LMCD1: variants seen among roughly 807,000 people sequenced by gnomAD.
LMCD1 encodes LIM and cysteine rich domains 1, also known as LIM and cysteine-rich domains protein 1.
LMCD1 carries 32 observed loss-of-function variants against 42.7 expected under a neutral mutation model. The observed-to-expected ratio is 0.75, with a 90% CI of 0.57 to 1.01. The LOEUF is 1.01. LMCD1 is among the 50% of genes least tolerant of loss of function. The pLI is 0.00. For synonymous variants in LMCD1, 178 were observed against 184.9 expected, an observed-to-expected ratio of 0.96 and a Z score of 0.30; for missense variants, 458 against 483.1, an observed-to-expected ratio of 0.95 and a Z score of 0.49.
At chr3:8,557,678 C>T (rs1694950209) in intron 4 of LMCD1, among the ~76,000 whole-genome samples, 1 of 152,190 alleles carries the variant, frequency 6.6e-6, no homozygotes, top group Admixed American at 6.5e-5. Context: ...CTTGGTTACT[C>T]CTATTTCAGA....
At chr3:8,527,711 C>G (rs56886252) in intron 1 of LMCD1, among the ~76,000 whole-genome samples, 1 of 152,144 alleles carries the variant, frequency 6.6e-6, no homozygotes, top group African/African-American at 2.4e-5. Flanking sequence ...CAATTTGGAA[C>G]GCACCACCTC....
chr3:8,556,265 T>G (rs1694931771), intron 4 of LMCD1, among the ~76,000 whole-genome samples: 1 of 152,166 alleles, frequency 6.6e-6, no homozygotes, highest in Non-Finnish European at 1.5e-5. Flanking sequence ...TTAAACAGTG[T>G]TTTCAAACTT....
intron 3 of LMCD1, among the ~76,000 whole-genome samples, chr3:8,539,224 G>A (rs914390919): frequency 6.6e-6 from 1 of 152,110 alleles, no homozygotes; most frequent in Non-Finnish European, 1.5e-5. Flanking sequence ...CCTTAGGGGG[G>A]AAAATCCCTT....
intron 1 of LMCD1, among the ~76,000 whole-genome samples, chr3:8,528,425 G>A (rs577112854): frequency 6.6e-6 from 1 of 152,136 alleles, no homozygotes; most frequent in African/African-American, 2.4e-5. Context: ...TGAGCTCCTG[G>A]CCTCAAGCAA....
chr3:8,553,745 G>A (rs1694880094), intron 4 of LMCD1, among the ~76,000 whole-genome samples: 1 of 152,176 alleles, frequency 6.6e-6, no homozygotes. Context: ...GTTAGGAGAG[G>A]CAGGATATCA....
At chr3:8,527,626 A>G (rs941662714) in intron 1 of LMCD1, among the ~76,000 whole-genome samples, 5 of 152,230 alleles carry the variant, frequency 3.3e-5, no homozygotes, top group Admixed American at 6.5e-5. Flanking sequence ...ATGTTGACCA[A>G]TAATCTTTAA....
intron 4 of LMCD1, among the ~76,000 whole-genome samples, chr3:8,560,896 G>T (rs1398003711): frequency 1.3e-5 from 2 of 152,180 alleles, no homozygotes; most frequent in South Asian, 2.1e-4. Flanking sequence ...TCAGGATCCA[G>T]TTCAAGATAT....
chr3:8,566,086 A>G (rs769598779), intron 5 of LMCD1, among the ~76,000 whole-genome samples: 13 of 152,234 alleles, frequency 8.5e-5, no homozygotes, highest in Non-Finnish European at 1.6e-4. Context: ...AGGATAGATG[A>G]GATAATGCAT....
chr3:8,572,626 A>G lies in LMCD1; in HGVS notation c.*5028A>G, dbSNP rs771308309. 2.0e-5 allele frequency: 3 copies of G among 152,330 alleles called. No homozygotes were observed. The highest frequency in any genetic ancestry group is 1.3e-4 in the Admixed American group (2 of 15,304). 9.4% of individuals were successfully genotyped at this position (152,330 alleles called of 1,614,324 possible). On this transcript the variant is annotated 3_prime_UTR_variant, in exon 6 of 6. Transcript: ENST00000157600. ...ATCTTCTCCCCATTTATTAATTCAC[A>G]TATTTACATCAGCTTGGAGTTATTG...
chr3:8,548,220 T>C (rs9312025), intron 3 of LMCD1, among the ~76,000 whole-genome samples: 75,027 of 151,972 alleles, frequency 0.49, 19,226 homozygotes, highest in Non-Finnish European at 0.54. Flanking sequence ...TACAGCTTGA[T>C]GAGCTTTGAC....
chr3:8,551,276 G>C (rs1047338306), intron 4 of LMCD1: 99 of 985,440 alleles, frequency 1.0e-4, no homozygotes, highest in Non-Finnish European at 1.2e-4. Flanking sequence ...ACCCATGAAT[G>C]AAAGTTTGAA....
intron 1 of LMCD1, among the ~76,000 whole-genome samples, chr3:8,519,925 A>AGTGTGTGTGTGTGT (rs369271623): frequency 6.8e-6 from 1 of 147,832 alleles, no homozygotes; most frequent in Non-Finnish European, 1.5e-5. Flanking sequence ...TGTGAGAGAG[A>AGTGTGTGTGTGTGT]GTGTGTGTGT....
At chr3:8,511,016 G>A (rs1243505286) in intron 1 of LMCD1, among the ~76,000 whole-genome samples, 3 of 152,264 alleles carry the variant, frequency 2.0e-5, no homozygotes, top group African/African-American at 7.2e-5. Context: ...GAGGTCTGAG[G>A]CTCTTGGAGT....
chr3:8,553,695 C>T (rs1235667606), intron 4 of LMCD1, among the ~76,000 whole-genome samples: 1 of 152,202 alleles, frequency 6.6e-6, no homozygotes. Context: ...TCCATGCCTA[C>T]CTCAGGGCAG....
At chr3:8,543,428 TAGATAGATAGATAGACAGAC>T (rs1694671694) in intron 3 of LMCD1, among the ~76,000 whole-genome samples, 21 of 124,076 alleles carry the variant, frequency 1.7e-4, no homozygotes, top group African/African-American at 5.5e-4. Flanking sequence ...GATAGATAGA[TAGATAGATAGATAGACAGAC>T]AGACAGAGAG....
chr3:8,516,829 T>C (rs4143966), intron 1 of LMCD1, among the ~76,000 whole-genome samples: 57,620 of 152,130 alleles, frequency 0.38, 12,025 homozygotes, highest in Non-Finnish European at 0.49. Flanking sequence ...CTTAGTGTTA[T>C]TAGTCATCCT....
At chr3:8,559,607 G>A (rs1372499223) in intron 4 of LMCD1, among the ~76,000 whole-genome samples, 3 of 152,266 alleles carry the variant, frequency 2.0e-5, no homozygotes, top group African/African-American at 7.2e-5. Context: ...AAAGAATTGT[G>A]GGAGAGACTA....
intron 3 of LMCD1, among the ~76,000 whole-genome samples, chr3:8,544,512 T>C (rs1209844103): frequency 1.3e-5 from 2 of 152,102 alleles, no homozygotes; most frequent in African/African-American, 2.4e-5. Flanking sequence ...CACCCCTCAA[T>C]TGGAGTCCCA....
chr3:8,552,563 G>T (rs185533269), intron 4 of LMCD1, among the ~76,000 whole-genome samples: 1 of 152,252 alleles, frequency 6.6e-6, no homozygotes, highest in East Asian at 1.9e-4. Context: ...ACAAGTCCTC[G>T]GGTGATGCTG....
Sources: gnomAD v4.1 joint callset for allele counts (sites outside exome capture counted in the v4.1 genomes callset) on GRCh38, gnomAD v4.1.1 for gene constraint, MANE v1.5 for transcripts, NCBI Gene and HGNC (gene_info 2026-07-23, HGNC 2026-07-21) for gene names.